The following ZNF750 variants were observed in gnomAD, a reference collection of about 807,000 sequenced individuals.
ZNF750 encodes the protein zinc finger protein 750, also known as protein ZNF750.
Under a neutral mutation model 31.6 loss-of-function variants are expected in ZNF750, and 10 were observed. The ratio of observed to expected loss-of-function variants is 0.32; its 90% CI spans 0.19 to 0.54. The LOEUF (loss-of-function observed/expected upper bound fraction) is 0.54. ZNF750 is among the 20% of genes least tolerant of loss of function. The pLI, the probability that ZNF750 is intolerant of heterozygous loss-of-function variation, is 0.95. For synonymous variants in ZNF750, 400 were observed against 404.9 expected, an observed-to-expected ratio of 0.99 and a Z score of 0.15; for missense variants, 914 against 934.9, an observed-to-expected ratio of 0.98 and a Z score of 0.29.
At position 82,832,527 on chromosome 17, in the gene ZNF750, T is replaced by C. The variant is rs1444944942; in HGVS notation, c.-73A>G. The C allele has an allele frequency of 7.2e-7, 1 of 1,391,708 alleles. No homozygotes were observed. The highest frequency in any genetic ancestry group is 1.0e-6 in the Non-Finnish European group (1 of 993,502). 86.2% of individuals were successfully genotyped at this position (1,391,708 alleles called of 1,614,324 possible). A position where few individuals can be genotyped will look rare whatever the true frequency, so the allele number is the denominator to read the frequency against. On this transcript the variant is annotated 5_prime_UTR_variant, in exon 2 of 3. Coordinates refer to ENST00000269394, the MANE Select transcript of ZNF750 (RefSeq NM_024702.3). The surrounding 1 kb of genome is among the most constrained non-coding windows in gnomAD (Gnocchi z 4.9). ...TGTCGACGCCGCGTGCACTTCGTGG[T>C]TTCTAAAGAGGCACCTCCCGCTTTG... is the stretch of plus-strand genomic sequence containing the variant.
At position 82,830,842 on chromosome 17, in the gene ZNF750, G is replaced by T. The variant is rs887711173; in HGVS notation, c.1472C>A (p.Thr491Asn). 17 of 1,613,134 alleles carry T rather than the reference G, an allele frequency of 1.1e-5. No homozygotes were observed. Among genetic ancestry groups the T allele is most frequent in the Non-Finnish European group, 1.4e-5 (17 of 1,180,030 alleles). Reference sequence around the variant, plus strand: ...CTCCGAGACGAGAGAGGCGCTTCCGGTCGGAGCAGGAGGGTCTCCGTTCAC... The same window carrying T: ...CTCCGAGACGAGAGAGGCGCTTCCGTTCGGAGCAGGAGGGTCTCCGTTCAC... Reference protein sequence around the residue: ...NVVNGDPPAPTGSASLVSEAA... With the variant: ...NVVNGDPPAPNGSASLVSEAA... The change falls in exon 3 of 3, where the codon ACC (threonine) becomes AAC (asparagine). Residue 491 changes from threonine to asparagine, a missense_variant. Coordinates refer to ENST00000269394, the MANE Select transcript of ZNF750 (RefSeq NM_024702.3).
chr17:82,830,468 C>T lies in ZNF750; in HGVS notation c.1846G>A (p.Glu616Lys), dbSNP rs374408281. 160 of 1,612,906 alleles carry T rather than the reference C, an allele frequency of 9.9e-5. No homozygotes were observed. The East Asian group carries it at 3.2e-3, about 33-fold the overall frequency. The change falls in exon 3 of 3, where the codon GAG becomes AAG. Residue 616 changes from glutamate (E) to lysine (K), a missense_variant. By Grantham distance (56) the Glu-to-Lys change is moderately conservative. Transcript: ENST00000269394. ...GDGAPPTGPG[E>K]EAPDACAVDS... is the part of the protein sequence containing the mutation. ...ACCGCGCATGCGTCTGGAGCCTCCT[C>T]GCCGGGGCCTGTGGGTGGGGCCCCG...
Position 82,832,674 on chromosome 17 carries a change from T to TGAGG in ZNF750, c.-182-42_-182-39dup, listed in dbSNP as rs1385946360. 5.4e-5 allele frequency: 32 copies of TGAGG among 590,254 alleles called. No homozygotes were observed. The highest frequency in any genetic ancestry group is 8.7e-5 in the Non-Finnish European group (29 of 333,396). The allele number at this position is 590,254 out of a possible 1,614,324, so 36.6% of individuals were successfully genotyped here. ...GCAGTCTTGGTGTCAGGACAGCGAG[T>TGAGG]GAGGGGTCGGCGAGAAGCCGGCCTC... On this transcript the variant is annotated intron_variant, in intron 1 of 2. Transcript: ENST00000269394. The surrounding 1 kb of genome is among the most constrained non-coding windows in gnomAD (Gnocchi z 4.9).
At chr17:82,836,435 A>G (rs2145361584) in intron 1 of ZNF750, among the ~76,000 whole-genome samples, 1 of 152,376 alleles carries the variant, frequency 6.6e-6, no homozygotes, top group East Asian at 1.9e-4. Flanking sequence ...ATCAAGTGAG[A>G]GCTGCGTCCT....
At chr17:82,839,526 T>C (rs1246523876) in intron 1 of ZNF750, among the ~76,000 whole-genome samples, 1 of 152,182 alleles carries the variant, frequency 6.6e-6, no homozygotes, top group Non-Finnish European at 1.5e-5. Flanking sequence ...ACACCACACA[T>C]ATAACCCTAA....
At position 82,831,832 on chromosome 17, in the gene ZNF750, T is replaced by C. The variant is rs764168171; in HGVS notation, c.623A>G (p.Lys208Arg). Residue 208 changes from lysine (K) to arginine (R), a missense_variant, in exon 2 of 3, where the codon AAA becomes AGA. By Grantham distance (26) the Lys-to-Arg change is conservative. Around this residue, in one of 2 missense-constraint regions of ZNF750, gnomAD observed 880 missense variants for 868.9 expected, o/e 1.01. Coordinates refer to ENST00000269394, the MANE Select transcript of ZNF750 (RefSeq NM_024702.3). The surrounding 1 kb of genome is among the most constrained non-coding windows in gnomAD (Gnocchi z 4.6). ...SAFHTPGYPW[K>R]AGSPFLPPEF... Reference sequence around the variant, plus strand: ...TGGTGGAAGGAAAGGTGAGCCGGCTTTCCAGGGGTAGCCAGGAGTGTGGAA... The same window carrying C: ...TGGTGGAAGGAAAGGTGAGCCGGCTCTCCAGGGGTAGCCAGGAGTGTGGAA... 4 of 1,614,206 alleles carry C rather than the reference T, an allele frequency of 2.5e-6. No homozygotes were observed. The South Asian group carries it at 3.3e-5, about 13-fold the overall frequency.
rs754211468 is a variant in ZNF750 at position 82,832,437 on chromosome 17, C to T, written c.18G>A (p.Glu6=). The T allele has an allele frequency of 1.9e-6, 3 of 1,612,432 alleles. No individual in the cohort carries two copies. The highest frequency in any genetic ancestry group is 1.7e-6 in the Non-Finnish European group (2 of 1,180,012). MSLLK[E]RKPKKPHYIP... Reference sequence around the variant, plus strand: ...TGTAATGTGGCTTTTTTGGCTTCCGCTCTTTGAGGAGACTCATTTTCCTCC... The same window carrying T: ...TGTAATGTGGCTTTTTTGGCTTCCGTTCTTTGAGGAGACTCATTTTCCTCC... The change falls in exon 2 of 3, where the codon GAG becomes GAA. Residue 6 remains glutamate (E), a synonymous_variant. Coordinates refer to ENST00000269394, the MANE Select transcript of ZNF750 (RefSeq NM_024702.3). This position sits in a 1 kb window ranked among gnomAD's most constrained non-coding sequence, Gnocchi z 4.9.
Position 82,830,195 on chromosome 17 carries a change from G to A in ZNF750, c.2119C>T (p.Leu707=), listed in dbSNP as rs1297268132. The A allele has an allele frequency of 6.2e-7, 1 of 1,614,262 alleles. No individual in the cohort carries two copies. The highest frequency in any genetic ancestry group is 8.5e-7 in the Non-Finnish European group (1 of 1,180,060). ...GTGAACACTCTGGCCGTGTCCTGCA[G>A]CTTCGCCTTCTTAGCTCCTTGCTGG... ...KSQQGAKKAK[L]QDTARVFTLR... is the part of the protein sequence containing the mutation. Residue 707 remains leucine (L), a synonymous_variant, in exon 3 of 3, where the codon CTG becomes TTG. Coordinates refer to ENST00000269394, the MANE Select transcript of ZNF750 (RefSeq NM_024702.3).
At chr17:82,838,241 G>A (rs2054151661) in intron 1 of ZNF750, among the ~76,000 whole-genome samples, 1 of 152,140 alleles carries the variant, frequency 6.6e-6, no homozygotes, top group African/African-American at 2.4e-5. Flanking sequence ...AGTTAATGCA[G>A]CAGACAGTTG....
intron 1 of ZNF750, among the ~76,000 whole-genome samples, chr17:82,834,168 G>C (rs578230133): frequency 2.0e-5 from 3 of 152,146 alleles, no homozygotes; most frequent in South Asian, 4.1e-4. Context: ...GGCTGGTCTC[G>C]AGCTCCTGAC....
rs1465295465 is a variant in ZNF750 at position 82,831,149 on chromosome 17, T to C, written c.1306A>G (p.Lys436Glu). The change falls in exon 2 of 3, where the codon AAG becomes GAG. Residue 436 changes from lysine to glutamate, a missense_variant. This residue lies in a region of ZNF750 where 880 missense variants were observed against 868.9 expected (regional missense o/e 1.01). Transcript: ENST00000269394. This position sits in a 1 kb window ranked among gnomAD's most constrained non-coding sequence, Gnocchi z 4.6. ...CTTCCCAGTGCGCTGGAGGCTGCCT[T>C]GTTGGAGAGGTCGTACAGGCCTTCG... ...TCEGLYDLSNKAASSALGRLY... is the reference protein window; with the variant it reads ...TCEGLYDLSNEAASSALGRLY... 6.2e-7 allele frequency: 1 copy of C among 1,614,048 alleles called. No homozygotes were observed. Among genetic ancestry groups the C allele is most frequent in the Admixed American group, 1.7e-5 (1 of 60,010 alleles).
rs987357213 is a variant in ZNF750 at position 82,831,472 on chromosome 17, A to T, written c.983T>A (p.Phe328Tyr). ...PYGFYRPESA[F>Y]SSYGLRLPPV... is the part of the protein sequence containing the mutation. ...TGGGAGTCTGAGACCATAGGAGGAA[A>T]ATGCAGACTCTGGCCTGTAAAATCC... Residue 328 changes from phenylalanine to tyrosine, a missense_variant, in exon 2 of 3, where the codon TTT becomes TAT. Transcript: ENST00000269394. The surrounding 1 kb of genome is among the most constrained non-coding windows in gnomAD (Gnocchi z 4.6). 6.2e-6 allele frequency: 10 copies of T among 1,613,978 alleles called. No homozygotes were observed. In the African/African-American group the frequency reaches 1.3e-4, roughly 22 times the overall value.
chr17:82,829,894 T>C lies in ZNF750; in HGVS notation c.*248A>G, dbSNP rs1411895651. On this transcript the variant is annotated 3_prime_UTR_variant, in exon 3 of 3. Coordinates refer to ENST00000269394, the MANE Select transcript of ZNF750 (RefSeq NM_024702.3). ...CTGTAAGACAGCTTAGACTTGAAAA[T>C]ACATATCAGTCTTAGAGTCATTCAG... 12 of 581,108 alleles carry C rather than the reference T, an allele frequency of 2.1e-5. No individual in the cohort carries two copies. Among genetic ancestry groups the C allele is most frequent in the Non-Finnish European group, 3.0e-6 (1 of 333,476 alleles). 36.0% of individuals were successfully genotyped at this position (581,108 alleles called of 1,614,324 possible). A position where few individuals can be genotyped will look rare whatever the true frequency, so the allele number is the denominator to read the frequency against.
At position 82,830,499 on chromosome 17, in the gene ZNF750, G is replaced by T; in HGVS notation, c.1815C>A (p.Asp605Glu). The T allele has an allele frequency of 1.2e-6, 2 of 1,613,384 alleles. No homozygotes were observed. Among genetic ancestry groups the T allele is most frequent in the East Asian group, 2.2e-5 (1 of 44,884 alleles). ...GGCCTGTGGGTGGGGCCCCGTCACC[G>T]TCGAGGCTGCCTGGCTTGGTCTCAG... ...SHPETKPGSLDGDGAPPTGPG... is the reference protein window; with the variant it reads ...SHPETKPGSLEGDGAPPTGPG... The change falls in exon 3 of 3, where the codon GAC becomes GAA. Residue 605 changes from aspartate to glutamate, a missense_variant. By Grantham distance (45) the Asp-to-Glu change is conservative (BLOSUM62 2). Coordinates refer to ENST00000269394, the MANE Select transcript of ZNF750 (RefSeq NM_024702.3).
intron 1 of ZNF750, among the ~76,000 whole-genome samples, chr17:82,837,117 C>A (rs1038920029): frequency 6.6e-6 from 1 of 152,212 alleles, no homozygotes; most frequent in African/African-American, 2.4e-5. Context: ...ATCTGTAAAA[C>A]TACAATAGTG....
At position 82,830,098 on chromosome 17, in the gene ZNF750, G is replaced by T; in HGVS notation, c.*44C>A. On this transcript the variant is annotated 3_prime_UTR_variant, in exon 3 of 3. Transcript: ENST00000269394. ...GTTGTAGCTTGCCACCTTGGAAGGC[G>T]TGTGTGTGGCCGTAGCTCTGTGAAC... is the stretch of plus-strand genomic sequence containing the variant. The T allele has an allele frequency of 6.2e-7, 1 of 1,611,242 alleles. No individual in the cohort carries two copies. The highest frequency in any genetic ancestry group is 1.1e-5 in the South Asian group (1 of 90,986).
Position 82,831,245 on chromosome 17 carries a change from C to G in ZNF750, c.1210G>C (p.Ala404Pro), listed in dbSNP as rs200563495. ...GGGGAGCCCGTGGCTGCACTCCCTG[C>G]GCGGGGGCTCATTTTGGACCCTTCC... ...DTEGSKMSPR[A>P]GSAATGSPGR... is the part of the protein sequence containing the mutation. Residue 404 changes from alanine to proline, a missense_variant, in exon 2 of 3, where the codon GCA becomes CCA. Physicochemically the swap from Ala to Pro is conservative, Grantham distance 27. Coordinates refer to ENST00000269394, the MANE Select transcript of ZNF750 (RefSeq NM_024702.3). The surrounding 1 kb of genome is among the most constrained non-coding windows in gnomAD (Gnocchi z 4.6). The G allele has an allele frequency of 3.2e-5, 52 of 1,613,766 alleles. No individual in the cohort carries two copies. Among genetic ancestry groups the G allele is most frequent in the Non-Finnish European group, 4.4e-5 (52 of 1,180,048 alleles).
At chr17:82,838,897 C>T (rs1445816214) in intron 1 of ZNF750, 1 of 985,298 alleles carries the variant, frequency 1.0e-6, no homozygotes, top group Non-Finnish European at 1.2e-6. Context: ...GTCAGAAATG[C>T]TGGAAGGCCT....
chr17:82,830,250 CTT>C lies in ZNF750; in HGVS notation c.2062_2063del (p.Lys688GlufsTer15). ...TTCCAGCATCCCTTAGACTTGTCCT[CTT>C]TTGTCCTTTGGGTCTGAGGTCACAC... The part of the protein sequence containing the change: ...AQCDLRPKGQ[K>X]RTSLRDAGKS... On this transcript the variant is annotated frameshift_variant, in exon 3 of 3. Transcript: ENST00000269394. LOFTEE classifies it low-confidence loss of function (END_TRUNC). 1 of 1,614,240 alleles carries C rather than the reference CTT, an allele frequency of 6.2e-7. No individual in the cohort carries two copies. Among genetic ancestry groups the C allele is most frequent in the Non-Finnish European group, 8.5e-7 (1 of 1,180,048 alleles).
Sources: allele counts gnomAD v4.1 joint callset (sites outside exome capture counted in the v4.1 genomes callset), GRCh38; gene constraint gnomAD v4.1.1; regional missense constraint gnomAD v4.1.1; non-coding constraint Gnocchi (gnomAD v3.1); transcripts MANE v1.5; gene names NCBI Gene and HGNC (gene_info 2026-07-23, HGNC 2026-07-21).